The following IGSF21 variants were observed in gnomAD, a reference collection of about 807,000 sequenced individuals.
IGSF21 encodes the protein immunoglobin superfamily member 21.
Under a neutral mutation model 46.8 loss-of-function variants are expected in IGSF21, and 28 were observed. The observed-to-expected ratio is 0.60, with a 90% CI of 0.44 to 0.82. The LOEUF is 0.82. IGSF21 is among the 40% of genes least tolerant of loss of function. IGSF21 has a pLI of 0.00. For synonymous variants in IGSF21, 284 were observed against 273.6 expected (o/e 1.04, Z -0.38); for missense variants, 624 against 665.5 (o/e 0.94, Z 0.69).
intron 1 of IGSF21, among the ~76,000 whole-genome samples, chr1:18,146,604 T>C (rs1275895225): frequency 1.3e-5 from 2 of 152,122 alleles, no homozygotes; most frequent in Non-Finnish European, 2.9e-5. Flanking sequence ...TGCCTCCTTT[T>C]GGTCAAGGTA....
chr1:18,336,585 G>A (rs1034313997), intron 4 of IGSF21, among the ~76,000 whole-genome samples: 1 of 152,204 alleles, frequency 6.6e-6, no homozygotes, highest in African/African-American at 2.4e-5. Flanking sequence ...TGGAGGCAGT[G>A]AAGACACTGC....
intron 1 of IGSF21, among the ~76,000 whole-genome samples, chr1:18,126,826 C>T (rs529416402): frequency 4.6e-5 from 7 of 152,270 alleles, no homozygotes; most frequent in Admixed American, 3.3e-4. Context: ...CCTCCAGAGC[C>T]GACAGCTGCC....
chr1:18,141,795 A>G (rs2086417438), intron 1 of IGSF21, among the ~76,000 whole-genome samples: 1 of 152,232 alleles, frequency 6.6e-6, no homozygotes, highest in Non-Finnish European at 1.5e-5. Flanking sequence ...ATGGCTGGGC[A>G]CAGTGGCTCA....
chr1:18,196,324 G>A lies in IGSF21; in HGVS notation c.71-31574G>A, dbSNP rs370274581. On this transcript the variant is annotated intron_variant, in intron 1 of 9. Transcript: ENST00000251296. ...TAATTTGGGTTATTACTAAATGCTC[G>A]TTGAGCTGGATTCTGTATTGACCTG... Among the ~76,000 whole-genome samples the A allele has an allele frequency of 3.5e-4, 53 of 152,210 alleles. 2 individuals are homozygous for A. The East Asian group carries it at 5.0e-3, about 14-fold the overall frequency.
chr1:18,256,383 G>A (rs1454545928), intron 2 of IGSF21, among the ~76,000 whole-genome samples: 10 of 152,198 alleles, frequency 6.6e-5, no homozygotes, highest in Non-Finnish European at 8.8e-5. Context: ...TGCTGGAGCC[G>A]CAAGGGCTTA....
At chr1:18,117,526 C>G (rs2086198563) in intron 1 of IGSF21, among the ~76,000 whole-genome samples, 1 of 152,320 alleles carries the variant, frequency 6.6e-6, no homozygotes, top group Admixed American at 6.5e-5. Context: ...GCACTTGTCA[C>G]TCTTCATGGT....
intron 1 of IGSF21, among the ~76,000 whole-genome samples, chr1:18,174,790 C>T (rs1460417898): frequency 1.3e-5 from 2 of 152,244 alleles, no homozygotes; most frequent in African/African-American, 2.4e-5. Context: ...ACGACACACT[C>T]TGCCTGGCTT....
intron 1 of IGSF21, among the ~76,000 whole-genome samples, chr1:18,126,372 T>C (rs2086274598): frequency 6.6e-6 from 1 of 152,164 alleles, no homozygotes; most frequent in African/African-American, 2.4e-5. Flanking sequence ...GATTTTCTGC[T>C]TGGTTCCACC....
At chr1:18,256,636 C>G (rs1052307235) in intron 2 of IGSF21, among the ~76,000 whole-genome samples, 1 of 152,184 alleles carries the variant, frequency 6.6e-6, no homozygotes, top group African/African-American at 2.4e-5. Context: ...TCTGAATCCA[C>G]GATCTGCCCT....
chr1:18,270,078 G>C (rs2085028487), intron 2 of IGSF21, among the ~76,000 whole-genome samples: 1 of 152,148 alleles, frequency 6.6e-6, no homozygotes, highest in Admixed American at 6.5e-5. Context: ...GCAGAGCCAG[G>C]TGGCATCTTT....
At chr1:18,314,574 C>T (rs1162168968) in intron 3 of IGSF21, among the ~76,000 whole-genome samples, 5 of 152,206 alleles carry the variant, frequency 3.3e-5, no homozygotes, top group Admixed American at 6.5e-5. Flanking sequence ...GGAGCGCCCT[C>T]TCATGATCCC....
At chr1:18,348,273 A>AGG (rs2085915196) in intron 4 of IGSF21, among the ~76,000 whole-genome samples, 1 of 152,198 alleles carries the variant, frequency 6.6e-6, no homozygotes, top group African/African-American at 2.4e-5. Flanking sequence ...AGCCAACTGA[A>AGG]GGGATTCATC....
intron 1 of IGSF21, among the ~76,000 whole-genome samples, chr1:18,138,482 G>T (rs1293007468): frequency 6.6e-6 from 1 of 152,190 alleles, no homozygotes; most frequent in Non-Finnish European, 1.5e-5. Flanking sequence ...GGATTTGGAT[G>T]CAGGGGTTTA....
chr1:18,134,667 C>T (rs1331716082), intron 1 of IGSF21, among the ~76,000 whole-genome samples: 1 of 152,134 alleles, frequency 6.6e-6, no homozygotes, highest in Non-Finnish European at 1.5e-5. Flanking sequence ...TTCCCCACCA[C>T]AGCACCCACC....
At chr1:18,305,289 A>G (rs1225165571) in intron 3 of IGSF21, among the ~76,000 whole-genome samples, 2 of 151,500 alleles carry the variant, frequency 1.3e-5, no homozygotes, top group Non-Finnish European at 1.5e-5. Context: ...GAATGGATAG[A>G]TGGATGGATG....
rs536909427 is a variant in IGSF21, at chr1:18,367,796, G to A, written c.1015+2099G>A. 1.5e-4 allele frequency among the ~76,000 whole-genome samples: 22 copies of A among 151,088 alleles called. 1 individual carries two copies. The South Asian group carries it at 4.4e-3, about 30-fold the overall frequency. Reference sequence around the variant, plus strand: ...TAATTTTTTTTTTTAATAGAGGTGGGGTTTCACCATATCGGCCAGGCTGGT... The same window carrying A: ...TAATTTTTTTTTTTAATAGAGGTGGAGTTTCACCATATCGGCCAGGCTGGT... On this transcript the variant is annotated intron_variant, in intron 6 of 9. Transcript: ENST00000251296.
chr1:18,148,024 C>T (rs1181011917), intron 1 of IGSF21, among the ~76,000 whole-genome samples: 4 of 152,036 alleles, frequency 2.6e-5, no homozygotes, highest in South Asian at 4.2e-4. Flanking sequence ...CATCTCTTTG[C>T]TCTTCCTTCA....
chr1:18,365,669 G>C lies in IGSF21; in HGVS notation c.987G>C (p.Ser329=). The change falls in exon 6 of 10, where the codon TCG becomes TCC. Residue 329 remains serine (S), a synonymous_variant. Coordinates refer to ENST00000251296, the MANE Select transcript of IGSF21 (RefSeq NM_032880.5). This position sits in a 1 kb window ranked among gnomAD's most constrained non-coding sequence, Gnocchi z 4.8. ...GCGAGGTCAAGCACCCAGCTCTGTC[G>C]ATGCCCATGCAGGCAGAGGTCACGC... is the stretch of plus-strand genomic sequence containing the variant. ...FSCEVKHPAL[S]MPMQAEVTLV... is the part of the protein sequence containing the mutation. 1.2e-6 allele frequency: 2 copies of C among 1,613,714 alleles called. No individual in the cohort carries two copies. The highest frequency in any genetic ancestry group is 1.7e-6 in the Non-Finnish European group (2 of 1,179,696).
chr1:18,157,440 T>C (rs2086578523), intron 1 of IGSF21, among the ~76,000 whole-genome samples: 1 of 152,200 alleles, frequency 6.6e-6, no homozygotes, highest in Non-Finnish European at 1.5e-5. Context: ...AGCCACACCA[T>C]GGCCCTGTGC....
Sources: allele counts gnomAD v4.1 joint callset (sites outside exome capture counted in the v4.1 genomes callset), GRCh38; gene constraint gnomAD v4.1.1; non-coding constraint Gnocchi (gnomAD v3.1); transcripts MANE v1.5; gene names NCBI Gene and HGNC (gene_info 2026-07-23, HGNC 2026-07-21).